The following PRKN variants were observed in gnomAD, a reference collection of about 807,000 sequenced individuals.
PRKN encodes E3 ubiquitin-protein ligase parkin.
A neutral mutation model predicts 59.5 loss-of-function variants in PRKN; 56 were observed. That is an observed-to-expected ratio of 0.94 (90% confidence interval 0.76 to 1.18). The LOEUF is 1.18. Ranked by LOEUF, PRKN falls within the 50% of genes most tolerant of loss-of-function variation. The pLI is 0.00. For synonymous variants in PRKN, 250 were observed against 222.1 expected (o/e 1.13, Z -1.12); for missense variants, 657 against 596.4 (o/e 1.10, Z -1.06).
intron 5 of PRKN, among the ~76,000 whole-genome samples, chr6:162,000,961 G>A (rs1232881890): frequency 6.6e-6 from 1 of 151,488 alleles, no homozygotes; most frequent in Non-Finnish European, 1.5e-5. Context: ...ACTATGTATG[G>A]GTCTACTTTT....
In PRKN at chr6:161,386,880, G is replaced by A. The variant is rs2114943870; in HGVS notation, c.1084-3C>T. On this transcript the variant is annotated splice_polypyrimidine_tract_variant and splice_region_variant and intron_variant, in intron 9 of 11. Coordinates refer to ENST00000366898, the MANE Select transcript of PRKN (RefSeq NM_004562.3). The surrounding 1 kb of genome is among the most constrained non-coding windows in gnomAD (Gnocchi z 4.3). ...TTACATTCCCGGCAGAAGGCAAACT[G>A]CAAAAGAACACACATCCATTAATTA... The A allele has an allele frequency of 1.2e-6, 2 of 1,612,596 alleles. No homozygotes were observed. The highest frequency in any genetic ancestry group is 1.7e-6 in the Non-Finnish European group (2 of 1,178,636).
chr6:162,037,386 A>G (rs1471679155), intron 5 of PRKN, among the ~76,000 whole-genome samples: 1 of 152,206 alleles, frequency 6.6e-6, no homozygotes, highest in Non-Finnish European at 1.5e-5. Flanking sequence ...TTATAAAATA[A>G]TACGTGAGAC....
intron 4 of PRKN, among the ~76,000 whole-genome samples, chr6:162,123,116 A>G (rs1048877330): frequency 1.3e-5 from 2 of 152,192 alleles, no homozygotes; most frequent in Admixed American, 1.3e-4. Context: ...TGCTGGTCAC[A>G]ATTTCTAGGG....
At chr6:162,407,991 A>G (rs1318610574) in intron 2 of PRKN, among the ~76,000 whole-genome samples, 1 of 152,126 alleles carries the variant, frequency 6.6e-6, no homozygotes, top group Non-Finnish European at 1.5e-5. Flanking sequence ...TATCAAGTTA[A>G]AAAGTTTTAT....
At chr6:161,455,749 G>T (rs1249366668) in intron 9 of PRKN, among the ~76,000 whole-genome samples, 1 of 151,662 alleles carries the variant, frequency 6.6e-6, no homozygotes, top group Non-Finnish European at 1.5e-5. Flanking sequence ...TGTAATCCCA[G>T]CTACTTGGGA....
intron 7 of PRKN, among the ~76,000 whole-genome samples, chr6:161,679,556 CTTTTTTTTTTTTTT>C (rs34325718): frequency 9.2e-6 from 1 of 109,040 alleles, no homozygotes; most frequent in Non-Finnish European, 1.8e-5. Context: ...AGTTTCAAGT[CTTTTTTTTTTTTTT>C]TTTTTTTTTA....
intron 2 of PRKN, among the ~76,000 whole-genome samples, chr6:162,381,082 T>C (rs1786460162): frequency 6.6e-6 from 1 of 152,140 alleles, no homozygotes; most frequent in South Asian, 2.1e-4. Context: ...TCCCTTCCTC[T>C]GCAGAGCACA....
intron 9 of PRKN, among the ~76,000 whole-genome samples, chr6:161,513,406 A>C (rs1240257953): frequency 6.6e-6 from 1 of 151,782 alleles, no homozygotes; most frequent in East Asian, 1.9e-4. Context: ...ACGCTTGGCT[A>C]ATTTTTTTTA....
rs9458275 is a variant in PRKN at position 161,473,299 on chromosome 6, T to C, written c.1083+75555A>G. On this transcript the variant is annotated intron_variant, in intron 9 of 11. Coordinates refer to ENST00000366898, the MANE Select transcript of PRKN (RefSeq NM_004562.3). This position sits in a 1 kb window ranked among gnomAD's most constrained non-coding sequence, Gnocchi z 4.1. ...GAAATTGTGGAATATATTATATACA[T>C]ATATATTAGGGAGAGGGGAGCATTA... 0.022 allele frequency among the ~76,000 whole-genome samples: 3,267 copies of C among 151,350 alleles called. 112 individuals are homozygous for C. The highest frequency in any genetic ancestry group is 0.075 in the African/African-American group (3,095 of 41,306).
At chr6:161,867,506 C>T (rs2022988) in intron 6 of PRKN, among the ~76,000 whole-genome samples, 135,424 of 152,258 alleles carry the variant, frequency 0.89, 60,806 homozygotes, top group African/African-American at 0.97. Context: ...TGACCTCTCA[C>T]CTTGTTTTAT....
intron 6 of PRKN, among the ~76,000 whole-genome samples, chr6:161,957,844 C>A (rs1241278092): frequency 6.6e-6 from 1 of 152,170 alleles, no homozygotes; most frequent in African/African-American, 2.4e-5. Flanking sequence ...GGGGGCAGGT[C>A]CTGAGGAGTC....
At position 161,379,912 on chromosome 6, in the gene PRKN, A is replaced by G. The variant is rs564433435; in HGVS notation, c.1167+6882T>C. Among the ~76,000 whole-genome samples the G allele has an allele frequency of 4.6e-5, 7 of 152,338 alleles. No individual in the cohort carries two copies. Among genetic ancestry groups the G allele is most frequent in the African/African-American group, 1.7e-4 (7 of 41,582 alleles). On this transcript the variant is annotated intron_variant, in intron 10 of 11. Coordinates refer to ENST00000366898, the MANE Select transcript of PRKN (RefSeq NM_004562.3). This position sits in a 1 kb window ranked among gnomAD's most constrained non-coding sequence, Gnocchi z 4.9. ...TACAATTCCCTACTAAGTGTTTTTC[A>G]TATTACAGCCAGAGATCTTTCGAAA...
chr6:161,417,023 G>A lies in PRKN; in HGVS notation c.1084-30146C>T, dbSNP rs973750047. ...AACTCTGGAGGGAGATGGGGCCGAGGAAGGAGTAGGAGGTGTGGCTATGCT... is the reference window on the plus strand; with the variant it reads ...AACTCTGGAGGGAGATGGGGCCGAGAAAGGAGTAGGAGGTGTGGCTATGCT... On this transcript the variant is annotated intron_variant, in intron 9 of 11. Coordinates refer to ENST00000366898, the MANE Select transcript of PRKN (RefSeq NM_004562.3). The surrounding 1 kb of genome is among the most constrained non-coding windows in gnomAD (Gnocchi z 5.4). 1.3e-5 allele frequency among the ~76,000 whole-genome samples: 2 copies of A among 152,198 alleles called. No individual in the cohort carries two copies. The highest frequency in any genetic ancestry group is 4.8e-5 in the African/African-American group (2 of 41,436).
intron 4 of PRKN, among the ~76,000 whole-genome samples, chr6:162,113,538 T>C (rs1780533748): frequency 1.3e-5 from 2 of 152,188 alleles, no homozygotes; most frequent in South Asian, 4.1e-4. Flanking sequence ...GTAGTACATG[T>C]GTTACAGGAT....
chr6:162,333,277 G>T (rs1783672376), intron 2 of PRKN, among the ~76,000 whole-genome samples: 1 of 149,084 alleles, frequency 6.7e-6, no homozygotes, highest in Non-Finnish European at 1.5e-5. Context: ...TCAGGCTAGA[G>T]TGCACATGCA....
chr6:162,208,470 C>G (rs1443513120), intron 3 of PRKN, among the ~76,000 whole-genome samples: 1 of 152,156 alleles, frequency 6.6e-6, no homozygotes, highest in Non-Finnish European at 1.5e-5. Context: ...CCTACTGAGG[C>G]AAAAACTGCT....
At chr6:162,284,526 A>G (rs904640929) in intron 2 of PRKN, among the ~76,000 whole-genome samples, 3 of 152,052 alleles carry the variant, frequency 2.0e-5, no homozygotes, top group Admixed American at 1.3e-4. Context: ...ACCCGGCCAT[A>G]TTGTGTTATT....
intron 7 of PRKN, among the ~76,000 whole-genome samples, chr6:161,712,866 G>A (rs7739689): frequency 0.4 from 61,531 of 152,014 alleles, 13,112 homozygotes; most frequent in Admixed American, 0.6. Context: ...ATGACCAGAT[G>A]GTGGTGGGGG....
chr6:162,719,108 C>T (rs1440432384), intron 1 of PRKN, among the ~76,000 whole-genome samples: 1 of 152,200 alleles, frequency 6.6e-6, no homozygotes, highest in Non-Finnish European at 1.5e-5. Context: ...TACGAAATAT[C>T]ACTCTCTGTA....
Sources: allele counts gnomAD v4.1 joint callset (sites outside exome capture counted in the v4.1 genomes callset), GRCh38; gene constraint gnomAD v4.1.1; non-coding constraint Gnocchi (gnomAD v3.1); transcripts MANE v1.5; gene names NCBI Gene and HGNC (gene_info 2026-07-23, HGNC 2026-07-21).